The following TSPAN1 variants were observed in gnomAD, a reference collection of about 807,000 sequenced individuals.
The protein encoded by TSPAN1 is tetraspanin 1, also known as tetraspanin-1.
In TSPAN1, 23 loss-of-function variants were observed where a neutral mutation model predicts 26.9. The observed-to-expected ratio is 0.85, with a 90% CI of 0.62 to 1.21. The LOEUF (loss-of-function observed/expected upper bound fraction) is 1.21, where lower values mean the gene tolerates loss of function less well. Ranked by LOEUF, TSPAN1 falls within the 50% of genes most tolerant of loss-of-function variation. TSPAN1 has a pLI of 0.00. For missense variants in TSPAN1, 283 were observed against 298.4 expected, an observed-to-expected ratio of 0.95 and a Z score of 0.38; for synonymous variants, 115 against 114.8, an observed-to-expected ratio of 1.00 and a Z score of -0.01.
chr1:46,176,093 T>A (rs1255688198), intron 1 of TSPAN1: 2 of 939,828 alleles, frequency 2.1e-6, no homozygotes, highest in East Asian at 5.3e-5. Context: ...GCCAGGATGG[T>A]CTCGATCTCC....
chr1:46,193,068 G>A, the TSPAN1 span: 1 of 1,603,410 alleles, frequency 6.2e-7, no homozygotes, highest in Non-Finnish European at 8.5e-7. Context: ...TTCCAGATGT[G>A]AAGGATGAGG....
the TSPAN1 span, chr1:46,191,775 C>T: frequency 5.6e-6 from 2 of 359,526 alleles, no homozygotes; most frequent in East Asian, 7.3e-5. Flanking sequence ...GCTGGGACTA[C>T]AGGCGCCCAT....
chr1:46,190,863 T>C (rs1657711868), downstream of TSPAN1: 1 of 1,341,972 alleles, frequency 7.5e-7, no homozygotes, highest in South Asian at 1.2e-5. Context: ...CAGACATCTA[T>C]AAGACACACA....
downstream of TSPAN1, chr1:46,190,356 T>G: frequency 2.2e-6 from 3 of 1,345,338 alleles, no homozygotes; most frequent in Non-Finnish European, 3.2e-6. Flanking sequence ...AAGTTCCTAA[T>G]GTTTGAGATG....
chr1:46,193,190 G>A, the TSPAN1 span: 1 of 1,614,122 alleles, frequency 6.2e-7, no homozygotes. Flanking sequence ...CAGGTTGAAA[G>A]TGGCAGTGAG....
downstream of TSPAN1, among the ~76,000 whole-genome samples, chr1:46,187,861 C>T (rs1657470935): frequency 6.6e-6 from 1 of 152,202 alleles, no homozygotes; most frequent in African/African-American, 2.4e-5. Flanking sequence ...CTCCAAGCAC[C>T]TGTGAAAGAG....
chr1:46,192,280 A>G, the TSPAN1 span: 10 of 1,614,138 alleles, frequency 6.2e-6, no homozygotes, highest in Non-Finnish European at 8.5e-6. Context: ...AGGGGACTCC[A>G]GCCCCCTCAC....
chr1:46,175,356 T>C lies in TSPAN1; in HGVS notation c.-195T>C. On this transcript the variant is annotated 5_prime_UTR_variant, in exon 1 of 9. Coordinates refer to ENST00000372003, the MANE Select transcript of TSPAN1 (RefSeq NM_005727.4). ...GGTCTATGTTGCTGACCTTGTCCTG[T>C]CCTCCTGCTGTCTTAAACTATGATC... The C allele has an allele frequency of 2.7e-6, 1 of 375,702 alleles. No individual in the cohort carries two copies. Among genetic ancestry groups the C allele is most frequent in the Non-Finnish European group, 4.7e-6 (1 of 212,176 alleles). The allele number at this position is 375,702 out of a possible 1,614,324, so 23.3% of individuals were successfully genotyped here.
At chr1:46,186,872 C>T (rs1244120876), downstream of TSPAN1, among the ~76,000 whole-genome samples, 2 of 152,038 alleles carry the variant, frequency 1.3e-5, no homozygotes, top group East Asian at 1.9e-4. Flanking sequence ...CTGTGTTAGC[C>T]AGGATGGTCT....
Position 46,185,816 on chromosome 1 carries a change from C to G in TSPAN1, c.*283C>G, listed in dbSNP as rs1158182985. Reference sequence around the variant, plus strand: ...CCCAGTCTATTAAACCCTTGATATGCCCCCTAGGCCTAGTGGTGATCCCAG... The same window carrying G: ...CCCAGTCTATTAAACCCTTGATATGGCCCCTAGGCCTAGTGGTGATCCCAG... On this transcript the variant is annotated 3_prime_UTR_variant, in exon 9 of 9. Coordinates refer to ENST00000372003, the MANE Select transcript of TSPAN1 (RefSeq NM_005727.4). 1.9e-6 allele frequency: 1 copy of G among 532,916 alleles called. No individual in the cohort carries two copies. The highest frequency in any genetic ancestry group is 2.1e-5 in the South Asian group (1 of 46,634). 33.0% of individuals were successfully genotyped at this position (532,916 alleles called of 1,614,324 possible).
At position 46,185,558 on chromosome 1, in the gene TSPAN1, T is replaced by C. The variant is rs753427063; in HGVS notation, c.*25T>C. The C allele has an allele frequency of 6.2e-7, 1 of 1,613,518 alleles. No individual in the cohort carries two copies. Among genetic ancestry groups the C allele is most frequent in the Admixed American group, 1.7e-5 (1 of 60,022 alleles). On this transcript the variant is annotated 3_prime_UTR_variant, in exon 9 of 9. Transcript: ENST00000372003. ...AGTCCACTTCTGCCTCTGCCACTAC[T>C]GCTGCCACATGGGAACTGTGAAGAG...
chr1:46,180,296 C>T (rs1008434580), intron 1 of TSPAN1, among the ~76,000 whole-genome samples: 4 of 152,174 alleles, frequency 2.6e-5, no homozygotes, highest in Non-Finnish European at 4.4e-5. Context: ...GTGGAGGGCA[C>T]GCAGACATTC....
the TSPAN1 span, chr1:46,193,104 G>A: frequency 3.4e-5 from 54 of 1,609,630 alleles, 2 homozygotes; most frequent in South Asian, 4.7e-4. Context: ...AGCTTGCCAC[G>A]TAACAGGCCC....
At chr1:46,195,910 T>C in the TSPAN1 span, 1 of 1,614,126 alleles carries the variant, frequency 6.2e-7, no homozygotes, top group Non-Finnish European at 8.5e-7. Flanking sequence ...ACACACGTTT[T>C]GCCATCACGT....
At chr1:46,181,378 G>A (rs1229461479) in intron 3 of TSPAN1, among the ~76,000 whole-genome samples, 3 of 152,178 alleles carry the variant, frequency 2.0e-5, no homozygotes, top group Non-Finnish European at 4.4e-5. Context: ...TGAAAAAGGG[G>A]ATGGAGAAGC....
intron 5 of TSPAN1, 23 bp from the exon 6 acceptor site, chr1:46,184,762 A>G (rs748867539): frequency 1.7e-5 from 28 of 1,614,090 alleles, no homozygotes; most frequent in Non-Finnish European, 2.3e-5. Context: ...ACCAGCCCCT[A>G]AACACTGGCC....
chr1:46,190,152 C>G, downstream of TSPAN1: 2 of 862,166 alleles, frequency 2.3e-6, no homozygotes, highest in Non-Finnish European at 3.4e-6. Flanking sequence ...AGGCTGGAGT[C>G]TCCTGCCTCA....
Position 46,185,013 on chromosome 1 carries a change from CAA to C in TSPAN1, c.494_495del (p.Lys165ArgfsTer12). 6.2e-7 allele frequency: 1 copy of C among 1,614,216 alleles called. No homozygotes were observed. Among genetic ancestry groups the C allele is most frequent in the Non-Finnish European group, 8.5e-7 (1 of 1,180,046 alleles). On this transcript the variant is annotated frameshift_variant, in exon 7 of 9. Coordinates refer to ENST00000372003, the MANE Select transcript of TSPAN1 (RefSeq NM_005727.4). LOFTEE classifies it high-confidence loss of function. ...CGGATTTTGAGGACTCACCCTACTT[CAA>C]AGAGAACAGTGCCTTTCCCCCATTC... ...YTDFEDSPYFKENSAFPPFCC... is the reference protein window; with the variant it reads ...YTDFEDSPYFXENSAFPPFCC...
rs1000053163 is a variant in TSPAN1, at chr1:46,176,126, T to C, written c.-142+717T>C. 494 of 1,323,688 alleles carry C rather than the reference T, an allele frequency of 3.7e-4. 2 individuals are homozygous for C. Among genetic ancestry groups the C allele is most frequent in the East Asian group, 3.1e-3 (123 of 39,686 alleles). 82.0% of individuals were successfully genotyped at this position (1,323,688 alleles called of 1,614,324 possible). A position where few individuals can be genotyped will look rare whatever the true frequency, so the allele number is the denominator to read the frequency against. On this transcript the variant is annotated intron_variant, in intron 1 of 8. Transcript: ENST00000372003. ...TCCTGACCTTGTGATCTGCCCGCCT[T>C]GGCCTCCCAAAGTGCCGGGATTACA...
Sources: allele counts gnomAD v4.1 joint callset (sites outside exome capture counted in the v4.1 genomes callset), GRCh38; gene constraint gnomAD v4.1.1; transcripts MANE v1.5; gene names NCBI Gene and HGNC (gene_info 2026-07-23, HGNC 2026-07-21).